LINGO2: variants seen among roughly 807,000 people sequenced by gnomAD.
LINGO2 encodes leucine rich repeat and Ig domain containing 2.
Under a neutral mutation model 30.6 loss-of-function variants are expected in LINGO2, and 14 were observed. That is an observed-to-expected ratio of 0.46 (90% confidence interval 0.30 to 0.72). LINGO2 has a LOEUF of 0.72. LINGO2 is among the 30% of genes least tolerant of loss of function. LINGO2 has a pLI of 0.07. For missense variants in LINGO2, 729 were observed against 751.7 expected (o/e 0.97, Z 0.35); for synonymous variants, 317 against 288.5 (o/e 1.10, Z -1.00).
At chr9:28,300,486 T>C (rs543863609) in intron 3 of LINGO2, among the ~76,000 whole-genome samples, 4 of 152,254 alleles carry the variant, frequency 2.6e-5, no homozygotes, top group Admixed American at 6.5e-5. Flanking sequence ...ACTTTACCAA[T>C]TAAAATAGGC....
intron 2 of LINGO2, among the ~76,000 whole-genome samples, chr9:28,380,765 G>C (rs916750427): frequency 3.3e-5 from 5 of 152,074 alleles, no homozygotes; most frequent in Non-Finnish European, 7.4e-5. Flanking sequence ...ATGTAGGATA[G>C]ATTGCAGATG....
chr9:29,030,857 A>G, the LINGO2 span, among the ~76,000 whole-genome samples: 2 of 152,154 alleles, frequency 1.3e-5, no homozygotes, highest in African/African-American at 2.4e-5. Flanking sequence ...CTTATCAATT[A>G]TTACTGAGAT....
the LINGO2 span, among the ~76,000 whole-genome samples, chr9:28,769,537 T>A: frequency 9.9e-5 from 10 of 101,516 alleles, no homozygotes; most frequent in African/African-American, 3.4e-4. Context: ...TTTTTTTTTT[T>A]TTTTTTTTAC....
exon 6 of LINGO2, chr9:27,948,133 T>C (rs1823439363): frequency 6.6e-6 from 1 of 152,132 alleles, no homozygotes; most frequent in African/African-American, 2.4e-5. Context: ...GTTAACAGAG[T>C]TGAGCAGTTT....
intron 4 of LINGO2, among the ~76,000 whole-genome samples, chr9:28,028,817 G>A (rs927182876): frequency 2.0e-5 from 3 of 152,160 alleles, no homozygotes; most frequent in Non-Finnish European, 4.4e-5. Flanking sequence ...CAGATATGGA[G>A]GGCTGCCTAC....
the LINGO2 span, among the ~76,000 whole-genome samples, chr9:29,206,040 T>C: frequency 6.6e-6 from 1 of 152,244 alleles, no homozygotes; most frequent in Non-Finnish European, 1.5e-5. Flanking sequence ...ATATCCATGT[T>C]GTAGCATGTA....
chr9:28,322,707 C>T (rs775025242), intron 3 of LINGO2, among the ~76,000 whole-genome samples: 24 of 152,000 alleles, frequency 1.6e-4, no homozygotes, highest in African/African-American at 4.1e-4. Flanking sequence ...AGTCACTGGA[C>T]GTAAAGATGC....
chr9:27,948,223 C>T (rs1479474559), exon 6 of LINGO2: 1 of 152,188 alleles, frequency 6.6e-6, no homozygotes, highest in Non-Finnish European at 1.5e-5. Context: ...CTCCAGGGAT[C>T]TAGTCTCAGG....
intron 1 of LINGO2, among the ~76,000 whole-genome samples, chr9:28,576,620 T>C (rs940967920): frequency 1.3e-5 from 2 of 152,204 alleles, no homozygotes; most frequent in Non-Finnish European, 2.9e-5. Context: ...ATAATAGTCA[T>C]ACATTCCCAT....
chr9:28,038,591 G>C (rs1224136940), intron 4 of LINGO2, among the ~76,000 whole-genome samples: 1 of 152,084 alleles, frequency 6.6e-6, no homozygotes, highest in East Asian at 2.0e-4. Flanking sequence ...TACTTGGGAG[G>C]CTGAGGCAGG....
chr9:28,590,726 CA>C (rs1824849985), intron 1 of LINGO2, among the ~76,000 whole-genome samples: 1 of 152,114 alleles, frequency 6.6e-6, no homozygotes, highest in Non-Finnish European at 1.5e-5. Context: ...TAAACTAGTT[CA>C]ACCACTGTGG....
chr9:27,949,534 G>A, exon 6 of LINGO2: 1 of 1,613,962 alleles, frequency 6.2e-7, no homozygotes, highest in Non-Finnish European at 8.5e-7. Flanking sequence ...GCACACATAG[G>A]TTGCTGGCCA....
At chr9:29,035,516 G>A in the LINGO2 span, among the ~76,000 whole-genome samples, 17 of 149,460 alleles carry the variant, frequency 1.1e-4, no homozygotes, top group East Asian at 2.4e-3. Flanking sequence ...TGCAGGTAGA[G>A]ATGGAAGGTC....
At chr9:29,032,328 T>C in the LINGO2 span, among the ~76,000 whole-genome samples, 1 of 152,040 alleles carries the variant, frequency 6.6e-6, no homozygotes, top group African/African-American at 2.4e-5. Context: ...AATTGGAGGG[T>C]CATCCCACCT....
chr9:28,776,570 A>G, the LINGO2 span, among the ~76,000 whole-genome samples: 1 of 152,182 alleles, frequency 6.6e-6, no homozygotes, highest in African/African-American at 2.4e-5. Context: ...TGAGCTGGTA[A>G]CCATGCTGGA....
chr9:28,051,687 C>T (rs112183973), intron 4 of LINGO2, among the ~76,000 whole-genome samples: 1 of 151,972 alleles, frequency 6.6e-6, no homozygotes, highest in African/African-American at 2.4e-5. Context: ...AGATTCCAAC[C>T]ACAGTCATTC....
rs953028813 is a variant in LINGO2 at position 28,643,926 on chromosome 9, T to C, written c.-365+26274A>G. 7.2e-5 allele frequency among the ~76,000 whole-genome samples: 11 copies of C among 152,012 alleles called. 1 individual carries two copies. Among genetic ancestry groups the C allele is most frequent in the Admixed American group, 5.9e-4 (9 of 15,248 alleles). On this transcript the variant is annotated intron_variant, in intron 1 of 5. Transcript: ENST00000379992. Reference sequence around the variant, plus strand: ...AAGACATATAAATGGCAAATAGGCATACGAAATGGTGTTCGACATTGATCA... The same window carrying C: ...AAGACATATAAATGGCAAATAGGCACACGAAATGGTGTTCGACATTGATCA...
intron 4 of LINGO2, among the ~76,000 whole-genome samples, chr9:28,251,986 T>C (rs1822217437): frequency 6.6e-6 from 1 of 152,160 alleles, no homozygotes; most frequent in African/African-American, 2.4e-5. Flanking sequence ...TAAATAGCTA[T>C]GTGACGTTGG....
intron 3 of LINGO2, among the ~76,000 whole-genome samples, chr9:28,302,222 G>A (rs765148367): frequency 3.9e-5 from 6 of 152,142 alleles, no homozygotes; most frequent in Non-Finnish European, 7.4e-5. Flanking sequence ...CCTAAAATGG[G>A]AAACAAGAAA....
Sources: gnomAD v4.1 joint callset for allele counts (sites outside exome capture counted in the v4.1 genomes callset) on GRCh38, gnomAD v4.1.1 for gene constraint, MANE v1.5 for transcripts, NCBI Gene and HGNC (gene_info 2026-07-23, HGNC 2026-07-21) for gene names.